ADD1: variants seen among roughly 807,000 people sequenced by gnomAD.
ADD1 encodes adducin 1.
In ADD1, 24 loss-of-function variants were observed where a neutral mutation model predicts 80.5. The ratio of observed to expected loss-of-function variants is 0.30; its 90% confidence interval spans 0.22 to 0.42. The LOEUF (loss-of-function observed/expected upper bound fraction) is 0.42. Ranked by LOEUF, ADD1 falls within the 10% of genes least tolerant of loss-of-function variation. The probability of loss-of-function intolerance (pLI) is 1.00; values close to 1 mark genes in which losing one functional copy is unlikely to be tolerated. For synonymous variants in ADD1, 373 were observed against 393.8 expected, an observed-to-expected ratio of 0.95 and a Z score of 0.63; for missense variants, 948 against 1,019.0, an observed-to-expected ratio of 0.93 and a Z score of 0.95.
At chr4:2,878,387 A>G (rs1036762177) in intron 2 of ADD1, among the ~76,000 whole-genome samples, 2 of 152,020 alleles carry the variant, frequency 1.3e-5, no homozygotes, top group African/African-American at 4.8e-5. Flanking sequence ...TGTGAATAGG[A>G]CTTGCTGATG....
At chr4:2,864,547 C>G (rs994088533) in intron 1 of ADD1, among the ~76,000 whole-genome samples, 2 of 152,226 alleles carry the variant, frequency 1.3e-5, no homozygotes, top group Admixed American at 1.3e-4. Context: ...TTTATACTCA[C>G]AGTGATGCTT....
Position 2,928,472 on chromosome 4 carries a change from G to C in ADD1, c.2349G>C (p.Lys783Asn). 2 of 1,613,784 alleles carry C rather than the reference G, an allele frequency of 1.2e-6. No individual in the cohort carries two copies. The highest frequency in any genetic ancestry group is 1.7e-6 in the Non-Finnish European group (2 of 1,179,942). Reference sequence around the variant, plus strand: ...AGTCCCCGTCCAAAAAGAAGAAGAAGTTCCGTACCCCGTCCTTTCTGAAGA... The same window carrying C: ...AGTCCCCGTCCAAAAAGAAGAAGAACTTCCGTACCCCGTCCTTTCTGAAGA... ...PGKSPSKKKKKFRTPSFLKKS... is the reference protein window; with the variant it reads ...PGKSPSKKKKNFRTPSFLKKS... The change falls in exon 16 of 16, where the codon AAG becomes AAC. Residue 783 changes from lysine to asparagine, a missense_variant. Physicochemically the swap from Lys to Asn is moderately conservative, Grantham distance 94 (BLOSUM62 0). Coordinates refer to ENST00000683351, the MANE Select transcript of ADD1 (RefSeq NM_001354761.2).
At chr4:2,903,090 G>T (rs192933726) in intron 9 of ADD1, among the ~76,000 whole-genome samples, 4 of 151,624 alleles carry the variant, frequency 2.6e-5, no homozygotes, top group African/African-American at 9.7e-5. Flanking sequence ...AATGAAGATG[G>T]CCCCCAAAAA....
At chr4:2,890,751 A>G (rs971052980) in intron 4 of ADD1, among the ~76,000 whole-genome samples, 2 of 152,068 alleles carry the variant, frequency 1.3e-5, no homozygotes, top group African/African-American at 4.8e-5. Context: ...AGATACATGG[A>G]TGTTTGATTT....
At chr4:2,918,989 C>T (rs7692769) in intron 14 of ADD1, among the ~76,000 whole-genome samples, 3,178 of 152,036 alleles carry the variant, frequency 0.021, 115 homozygotes, top group African/African-American at 0.072. Context: ...TACAGACACA[C>T]GCCACCACAC....
At chr4:2,908,898 A>G (rs1285548382) in intron 12 of ADD1, 1 of 486,688 alleles carries the variant, frequency 2.1e-6, no homozygotes, top group Non-Finnish European at 3.7e-6. Flanking sequence ...GCCCGGGTTC[A>G]GCAGCGTTCT....
chr4:2,891,123 TTAA>T (rs1734235005), intron 4 of ADD1, among the ~76,000 whole-genome samples: 1 of 145,490 alleles, frequency 6.9e-6, no homozygotes. Context: ...TGTCTCTATT[TTAA>T]AAAAAAAAAA....
intron 4 of ADD1, among the ~76,000 whole-genome samples, chr4:2,885,701 C>A (rs1168340917): frequency 6.6e-6 from 1 of 152,018 alleles, no homozygotes; most frequent in Non-Finnish European, 1.5e-5. Flanking sequence ...GCTCCGCCTC[C>A]CGGGTTCACG....
At chr4:2,909,807 G>A (rs968320915) in intron 13 of ADD1, among the ~76,000 whole-genome samples, 2 of 151,764 alleles carry the variant, frequency 1.3e-5, no homozygotes, top group South Asian at 2.1e-4. Flanking sequence ...TGTTGGCAGC[G>A]GCCACTCCCG....
At chr4:2,886,155 A>G (rs1201439248) in intron 4 of ADD1, among the ~76,000 whole-genome samples, 2 of 152,096 alleles carry the variant, frequency 1.3e-5, no homozygotes, top group East Asian at 1.9e-4. Flanking sequence ...CAATACTTCC[A>G]TCTCTCTTGA....
At chr4:2,908,434 C>A in intron 11 of ADD1, 81 bp from the exon 12 acceptor site, 3 of 1,265,196 alleles carry the variant, frequency 2.4e-6, no homozygotes, top group South Asian at 2.5e-5. Flanking sequence ...GTGGCTGGGG[C>A]CCAAGTGCAC....
At chr4:2,848,433 A>G (rs1000122165) in intron 1 of ADD1, among the ~76,000 whole-genome samples, 1 of 152,020 alleles carries the variant, frequency 6.6e-6, no homozygotes, top group African/African-American at 2.4e-5. Context: ...GTTTTTGATA[A>G]CTGTCAGCTT....
intron 1 of ADD1, among the ~76,000 whole-genome samples, chr4:2,861,249 A>G (rs988105441): frequency 6.6e-6 from 1 of 152,278 alleles, no homozygotes; most frequent in East Asian, 1.9e-4. Context: ...AGGCCCCTGC[A>G]TATTGGGGTC....
intron 1 of ADD1, among the ~76,000 whole-genome samples, chr4:2,872,414 T>A (rs1466226308): frequency 3.9e-5 from 6 of 152,246 alleles, no homozygotes; most frequent in Non-Finnish European, 5.9e-5. Flanking sequence ...CATTATATCA[T>A]TTTGCCAGTG....
rs548171224 is a variant in ADD1, at chr4:2,907,297, C to T, written c.1507-446C>T. The stretch of plus-strand genomic sequence containing the variant: ...TTTGGTGATGCCCACTCTTGCCTCA[C>T]GGTGCAGGCTCCTCCCTAACCCTGG... On this transcript the variant is annotated intron_variant, in intron 10 of 15. Transcript: ENST00000683351. The T allele has an allele frequency of 4.0e-4, 63 of 156,004 alleles. No homozygotes were observed. In the South Asian group the frequency reaches 4.1e-3, roughly 10 times the overall value. 9.7% of individuals were successfully genotyped at this position (156,004 alleles called of 1,614,324 possible). A position where few individuals can be genotyped will look rare whatever the true frequency, so the allele number is the denominator to read the frequency against.
chr4:2,886,209 C>G (rs1198715760), intron 4 of ADD1, among the ~76,000 whole-genome samples: 1 of 152,218 alleles, frequency 6.6e-6, no homozygotes, highest in African/African-American at 2.4e-5. Context: ...AATGTTTCCT[C>G]CATACTCACA....
At chr4:2,865,767 G>C (rs936593454) in intron 1 of ADD1, among the ~76,000 whole-genome samples, 1 of 151,968 alleles carries the variant, frequency 6.6e-6, no homozygotes, top group African/African-American at 2.4e-5. Context: ...AAAAAATTTT[G>C]TTTCAATAAA....
At chr4:2,851,525 A>C (rs1425360986) in intron 1 of ADD1, among the ~76,000 whole-genome samples, 1 of 152,160 alleles carries the variant, frequency 6.6e-6, no homozygotes, top group African/African-American at 2.4e-5. Context: ...CTCAAAATAA[A>C]GCCTATGTAG....
chr4:2,890,063 G>T (rs1734041513), intron 4 of ADD1, among the ~76,000 whole-genome samples: 1 of 151,626 alleles, frequency 6.6e-6, no homozygotes, highest in Admixed American at 6.6e-5. Flanking sequence ...CAGGCGTGGT[G>T]GCGCGCACCT....
Sources: allele counts gnomAD v4.1 joint callset (sites outside exome capture counted in the v4.1 genomes callset), GRCh38; gene constraint gnomAD v4.1.1; transcripts MANE v1.5; gene names NCBI Gene and HGNC (gene_info 2026-07-23, HGNC 2026-07-21).